Variants in UGGT2 observed in about 807,000 individuals in gnomAD.
UGGT2 encodes UDP-glucose:glycoprotein glucosyltransferase 2.
A neutral mutation model predicts 192.1 loss-of-function variants in UGGT2; 180 were observed. That is an observed-to-expected ratio of 0.94 (90% CI 0.83 to 1.06). The LOEUF is 1.06. UGGT2 is among the 50% of genes least tolerant of loss of function. The probability of loss-of-function intolerance (pLI) is 0.00; values close to 1 mark genes in which losing one functional copy is unlikely to be tolerated. For missense variants in UGGT2, 1,849 were observed against 1,795.7 expected, an observed-to-expected ratio of 1.03 and a Z score of -0.54; for synonymous variants, 580 against 591.0, an observed-to-expected ratio of 0.98 and a Z score of 0.27.
At chr13:95,982,109 T>C (rs2051144622) in intron 10 of UGGT2, among the ~76,000 whole-genome samples, 1 of 152,136 alleles carries the variant, frequency 6.6e-6, no homozygotes, top group Non-Finnish European at 1.5e-5. Flanking sequence ...GACAGGTAGA[T>C]AAGGTGATGG....
At chr13:95,846,572 G>C (rs2139992340) in intron 36 of UGGT2, among the ~76,000 whole-genome samples, 1 of 152,298 alleles carries the variant, frequency 6.6e-6, no homozygotes, top group South Asian at 2.1e-4. Flanking sequence ...TTCATGTCAA[G>C]GGAATGCTGC....
At position 95,936,956 on chromosome 13, in the gene UGGT2, C is replaced by T. The variant is rs750094369; in HGVS notation, c.1945G>A (p.Ala649Thr). ...ACTTCTCTTTGTAAATATACAGATG[C>T]ATCCATCATTCTTTGAAGAACAGCC... ...KMAVLQRMMD[A>T]SVYLQREVFL... The change falls in exon 17 of 39, where the codon GCA becomes ACA. Residue 649 changes from alanine to threonine, a missense_variant. Coordinates refer to ENST00000376747, the MANE Select transcript of UGGT2 (RefSeq NM_020121.4). 2 of 1,589,560 alleles carry T rather than the reference C, an allele frequency of 1.3e-6. No individual in the cohort carries two copies. The highest frequency in any genetic ancestry group is 1.7e-6 in the Non-Finnish European group (2 of 1,173,934).
intron 4 of UGGT2, among the ~76,000 whole-genome samples, chr13:96,019,958 T>C (rs2139104920): frequency 6.6e-6 from 1 of 152,282 alleles, no homozygotes; most frequent in Non-Finnish European, 1.5e-5. Flanking sequence ...CCCAGGCATT[T>C]AGGGAAACCA....
chr13:95,833,425 T>C (rs1024600846), intron 37 of UGGT2, among the ~76,000 whole-genome samples: 4 of 152,224 alleles, frequency 2.6e-5, no homozygotes, highest in African/African-American at 9.6e-5. Context: ...GGAAATGGCA[T>C]CTCGGTTCTC....
At chr13:95,960,755 C>T (rs2140699263) in intron 12 of UGGT2, among the ~76,000 whole-genome samples, 1 of 152,096 alleles carries the variant, frequency 6.6e-6, no homozygotes, top group African/African-American at 2.4e-5. Context: ...GTCAAACTGT[C>T]AAAATTTAAA....
rs1287822632 is a variant in UGGT2 at position 95,999,222 on chromosome 13, G to A, written c.746C>T (p.Thr249Ile). Residue 249 changes from threonine to isoleucine, a missense_variant, in exon 6 of 39, where the codon ACC becomes ATC. Transcript: ENST00000376747. Reference sequence around the variant, plus strand: ...GATAGAGAACTTACTTTTAACTTGGGTATCATCCAGTGCTTTGTATTCTGT... The same window carrying A: ...GATAGAGAACTTACTTTTAACTTGGATATCATCCAGTGCTTTGTATTCTGT... ...KSTEYKALDD[T>I]QVKTVTNTTV... The A allele has an allele frequency of 5.0e-6, 8 of 1,612,878 alleles. No individual in the cohort carries two copies. The highest frequency in any genetic ancestry group is 1.1e-5 in the South Asian group (1 of 90,950).
At chr13:95,908,805 T>C (rs1384452253) in intron 20 of UGGT2, among the ~76,000 whole-genome samples, 2 of 129,900 alleles carry the variant, frequency 1.5e-5, no homozygotes, top group Non-Finnish European at 3.3e-5. Context: ...TTTGTTTTTT[T>C]CTTGTAAATT....
chr13:96,020,661 C>CA (rs2052487826), intron 4 of UGGT2, among the ~76,000 whole-genome samples: 1 of 152,060 alleles, frequency 6.6e-6, no homozygotes, highest in South Asian at 2.1e-4. Flanking sequence ...CATCACCCAC[C>CA]AGGAGTACAG....
rs1240998457 is a variant in UGGT2 at position 96,053,223 on chromosome 13, G to A, written c.90C>T (p.Ala30=). The A allele has an allele frequency of 5.8e-6, 9 of 1,539,944 alleles. No homozygotes were observed. The highest frequency in any genetic ancestry group is 4.2e-5 in the African/African-American group (3 of 72,206). The change falls in exon 1 of 39, where the codon GCC becomes GCT. Residue 30 remains alanine, a synonymous_variant. Coordinates refer to ENST00000376747, the MANE Select transcript of UGGT2 (RefSeq NM_020121.4). ...WLSQLGSGTV[A]ASKSVTAHLA... ...AGTGGGCAGTCACCGACTTGGACGC[G>A]GCGACCGTCCCGGAGCCGAGCTGCG...
intron 25 of UGGT2, among the ~76,000 whole-genome samples, chr13:95,890,408 T>C (rs568312378): frequency 1.3e-5 from 2 of 152,292 alleles, no homozygotes; most frequent in South Asian, 2.1e-4. Context: ...GAGAGCTCTC[T>C]TTCTAGTTTG....
At position 95,937,139 on chromosome 13, in the gene UGGT2, T is replaced by C. The variant is rs372444328; in HGVS notation, c.1813-51A>G. 5 of 1,529,372 alleles carry C rather than the reference T, an allele frequency of 3.3e-6. No individual in the cohort carries two copies. In the African/African-American group the frequency reaches 5.7e-5, roughly 17 times the overall value. 94.7% of individuals were successfully genotyped at this position (1,529,372 alleles called of 1,614,324 possible). A position where few individuals can be genotyped will look rare whatever the true frequency, so the allele number is the denominator to read the frequency against. ...GTTAAACAAAATATGATTGTTTGAA[T>C]AATAAACATAAGAAAATGGAACACC... On this transcript the variant is annotated intron_variant, in intron 16 of 38. Coordinates refer to ENST00000376747, the MANE Select transcript of UGGT2 (RefSeq NM_020121.4).
Position 95,909,782 on chromosome 13 carries a change from A to AATAATAATAATAAT in UGGT2, c.2296-6723_2296-6722insATTATTATTATTAT, listed in dbSNP as rs369897411. ...ATAATAATAATAATAATAATAATAA[A>AATAATAATAATAAT]AAAGATTCCTGCCCACTAAAAAAAA... is the stretch of plus-strand genomic sequence containing the variant. On this transcript the variant is annotated intron_variant, in intron 20 of 38. Transcript: ENST00000376747. 3.6e-4 allele frequency among the ~76,000 whole-genome samples: 41 copies of AATAATAATAATAAT among 115,180 alleles called. 1 individual carries two copies. The highest frequency in any genetic ancestry group is 2.8e-3 in the South Asian group (9 of 3,216). 75.6% of individuals were successfully genotyped at this position (115,180 alleles called of 152,430 possible).
intron 4 of UGGT2, among the ~76,000 whole-genome samples, chr13:96,017,474 GT>G (rs2052375124): frequency 1.3e-5 from 2 of 152,152 alleles, no homozygotes; most frequent in Non-Finnish European, 2.9e-5. Context: ...TTAATGCCAT[GT>G]TTGTACAGAC....
chr13:95,861,573 T>C (rs1229248700), intron 31 of UGGT2, among the ~76,000 whole-genome samples: 1 of 152,174 alleles, frequency 6.6e-6, no homozygotes, highest in Non-Finnish European at 1.5e-5. Context: ...CCATTTCATA[T>C]ATAAAAATGA....
At position 95,947,179 on chromosome 13, in the gene UGGT2, A is replaced by T. The variant is rs9556512; in HGVS notation, c.1542-7T>A. The T allele has an allele frequency of 3.8e-6, 6 of 1,585,376 alleles. No individual in the cohort carries two copies. In the South Asian group the frequency reaches 7.0e-5, roughly 18 times the overall value. On this transcript the variant is annotated splice_region_variant and splice_polypyrimidine_tract_variant and intron_variant, in intron 14 of 38. Coordinates refer to ENST00000376747, the MANE Select transcript of UGGT2 (RefSeq NM_020121.4). Reference sequence around the variant, plus strand: ...AATGAACACAAAACCAATTCTGGAAAAAGAAGATGAACAAGGACTGTTATA... The same window carrying T: ...AATGAACACAAAACCAATTCTGGAATAAGAAGATGAACAAGGACTGTTATA...
At chr13:95,950,878 A>G (rs991383548) in intron 12 of UGGT2, among the ~76,000 whole-genome samples, 4 of 152,264 alleles carry the variant, frequency 2.6e-5, no homozygotes, top group South Asian at 4.1e-4. Flanking sequence ...TAGTAACTAA[A>G]CTACAAAGAA....
chr13:95,972,693 A>T, intron 10 of UGGT2, 22 bp from the exon 11 acceptor site: 2 of 1,569,708 alleles, frequency 1.3e-6, no homozygotes, highest in Non-Finnish European at 1.8e-6. Context: ...GCAAAGCAAT[A>T]GTTAACCAGT....
chr13:96,053,318 G>A lies in UGGT2; in HGVS notation c.-6C>T. On this transcript the variant is annotated 5_prime_UTR_variant, in exon 1 of 39. Transcript: ENST00000376747. Reference sequence around the variant, plus strand: ...GTGGCTTTCGCTGGCGCCATGGCACGGAGAGAAAAGCGCGAGTCCCTCGGA... The same window carrying A: ...GTGGCTTTCGCTGGCGCCATGGCACAGAGAGAAAAGCGCGAGTCCCTCGGA... 2.5e-6 allele frequency: 4 copies of A among 1,581,038 alleles called. No individual in the cohort carries two copies. The highest frequency in any genetic ancestry group is 3.4e-6 in the Non-Finnish European group (4 of 1,172,902).
At chr13:95,961,427 G>GA (rs2050388251) in intron 12 of UGGT2, among the ~76,000 whole-genome samples, 1 of 152,158 alleles carries the variant, frequency 6.6e-6, no homozygotes, top group East Asian at 1.9e-4. Flanking sequence ...CATGCAAATG[G>GA]AAACCAAAAG....
Sources: gnomAD v4.1 joint callset for allele counts (sites outside exome capture counted in the v4.1 genomes callset) on GRCh38, gnomAD v4.1.1 for gene constraint, MANE v1.5 for transcripts, NCBI Gene and HGNC (gene_info 2026-07-23, HGNC 2026-07-21) for gene names.